PRKAA1: variants seen among roughly 807,000 people sequenced by gnomAD.
The protein encoded by PRKAA1 is 5'-AMP-activated protein kinase catalytic subunit alpha-1.
PRKAA1 carries 23 observed loss-of-function variants against 56.9 expected under a neutral mutation model. The ratio of observed to expected loss-of-function variants is 0.40; its 90% CI spans 0.29 to 0.57. The LOEUF (loss-of-function observed/expected upper bound fraction) is 0.57, where lower values mean the gene tolerates loss of function less well. PRKAA1 is among the 20% of genes least tolerant of loss of function. PRKAA1 has a pLI of 0.39. For missense variants in PRKAA1, 413 were observed against 679.7 expected (o/e 0.61, Z 4.36); for synonymous variants, 226 against 227.0 (o/e 1.00, Z 0.04).
At chr5:40,783,204 T>C (rs1229283430) in intron 1 of PRKAA1, among the ~76,000 whole-genome samples, 2 of 152,158 alleles carry the variant, frequency 1.3e-5, no homozygotes, top group East Asian at 3.8e-4. Flanking sequence ...AATATGTTCA[T>C]TACAGTGTAT....
In PRKAA1 at chr5:40,761,250, T is replaced by A. The variant is rs990762351; in HGVS notation, c.*1528A>T. Reference sequence around the variant, plus strand: ...AATCAGCTATAAAGAAATTTGGAGTTAACTTCAGAAATTTAAATATGGCTT... The same window carrying A: ...AATCAGCTATAAAGAAATTTGGAGTAAACTTCAGAAATTTAAATATGGCTT... On this transcript the variant is annotated 3_prime_UTR_variant, in exon 9 of 9. Transcript: ENST00000397128. 3.9e-5 allele frequency: 6 copies of A among 152,286 alleles called. No individual in the cohort carries two copies. Among genetic ancestry groups the A allele is most frequent in the African/African-American group, 1.4e-4 (6 of 41,572 alleles). 9.4% of individuals were successfully genotyped at this position (152,286 alleles called of 1,614,324 possible). A position where few individuals can be genotyped will look rare whatever the true frequency, so the allele number is the denominator to read the frequency against.
intron 1 of PRKAA1, among the ~76,000 whole-genome samples, chr5:40,789,249 CAGAT>C (rs980755476): frequency 3.3e-5 from 5 of 151,910 alleles, no homozygotes; most frequent in African/African-American, 1.2e-4. Context: ...AAATGGCCAA[CAGAT>C]AGATGAAAGA....
rs200047399 is a variant in PRKAA1, at chr5:40,771,882, G to A, written c.364-19C>T. 1 of 1,605,298 alleles carries A rather than the reference G, an allele frequency of 6.2e-7. No individual in the cohort carries two copies. The highest frequency in any genetic ancestry group is 1.1e-5 in the South Asian group (1 of 88,584). ...CATCCAGCTAAGAAAAGTTAGAGAG[G>A]CTTTTTAAAGGTGTGTCTTTCAAAG... On this transcript the variant is annotated intron_variant, in intron 3 of 8. Transcript: ENST00000397128.
At chr5:40,776,796 G>A (rs1057155376) in intron 2 of PRKAA1, among the ~76,000 whole-genome samples, 1 of 152,150 alleles carries the variant, frequency 6.6e-6, no homozygotes, top group East Asian at 1.9e-4. Context: ...TCACTAGTGA[G>A]GCTAACTGAC....
At chr5:40,789,425 C>A (rs1034626611) in intron 1 of PRKAA1, among the ~76,000 whole-genome samples, 21 of 152,132 alleles carry the variant, frequency 1.4e-4, no homozygotes, top group Non-Finnish European at 1.0e-4. Context: ...ACTATAAATA[C>A]AGCCATTTTG....
At chr5:40,782,760 G>A (rs1411346634) in intron 1 of PRKAA1, among the ~76,000 whole-genome samples, 2 of 151,956 alleles carry the variant, frequency 1.3e-5, no homozygotes, top group African/African-American at 4.8e-5. Context: ...AGGAGGGAAG[G>A]TGGTAACTAC....
In PRKAA1 at chr5:40,767,469, A is replaced by G. The variant is rs1323447715; in HGVS notation, c.818T>C (p.Ile273Thr). 5 of 1,605,686 alleles carry G rather than the reference A, an allele frequency of 3.1e-6. No homozygotes were observed. Among genetic ancestry groups the G allele is most frequent in the East Asian group, 4.5e-5 (2 of 44,806 alleles). The change falls in exon 6 of 9, where the codon ATC becomes ACC. Residue 273 changes from isoleucine (I) to threonine (T), a missense_variant. Coordinates refer to ENST00000397128, the MANE Select transcript of PRKAA1 (RefSeq NM_006251.6). ...AACTTCCAAACTGCTTTATTACCTG[A>G]TATCTTTGATTGTGGCCCTCTTCAT... is the stretch of plus-strand genomic sequence containing the variant. ...DPMKRATIKD[I>T]REHEWFKQDL...
intron 2 of PRKAA1, among the ~76,000 whole-genome samples, chr5:40,775,836 T>C (rs1743975882): frequency 6.6e-6 from 1 of 152,084 alleles, no homozygotes; most frequent in Non-Finnish European, 1.5e-5. Context: ...ATTATGTAAT[T>C]ATCTAGGAGG....
rs34749478 is a variant in PRKAA1, at chr5:40,786,786, C to CAAA, written c.128-9203_128-9201dup. Among the ~76,000 whole-genome samples the CAAA allele has an allele frequency of 7.7e-3, 333 of 43,516 alleles. 23 individuals are homozygous for CAAA. Among genetic ancestry groups the CAAA allele is most frequent in the African/African-American group, 0.025 (275 of 11,040 alleles). The allele number at this position is 43,516 out of a possible 152,430, so 28.5% of individuals were successfully genotyped here. On this transcript the variant is annotated intron_variant, in intron 1 of 8. Transcript: ENST00000397128. ...TGAAACCCTGTCTCTACTAAAAATA[C>CAAA]AAAAAAAAAAAAAAAAAAAAAAAAA...
At chr5:40,767,746 C>T (rs1366726810) in intron 5 of PRKAA1, 56 bp from the exon 6 acceptor site, 1 of 1,422,022 alleles carries the variant, frequency 7.0e-7, no homozygotes, top group Non-Finnish European at 9.7e-7. Flanking sequence ...AGATTCAGTT[C>T]ATCAAAAACT....
intron 3 of PRKAA1, among the ~76,000 whole-genome samples, chr5:40,773,520 G>C (rs2112022825): frequency 6.6e-6 from 1 of 152,224 alleles, no homozygotes; most frequent in Middle Eastern, 3.4e-3. Context: ...TCACTAAAAT[G>C]ACATCAGCAA....
chr5:40,769,314 C>T, intron 5 of PRKAA1, 102 bp downstream of exon 5: 1 of 933,140 alleles, frequency 1.1e-6, no homozygotes, highest in African/African-American at 1.7e-5. Flanking sequence ...CCTTATCTTT[C>T]TTTCCTTTCA....
intron 1 of PRKAA1, among the ~76,000 whole-genome samples, chr5:40,789,283 A>G (rs1744620911): frequency 6.6e-6 from 1 of 152,234 alleles, no homozygotes; most frequent in South Asian, 2.1e-4. Context: ...ATCTCTAATC[A>G]TAAGAGAAAT....
intron 1 of PRKAA1, among the ~76,000 whole-genome samples, chr5:40,785,092 A>T (rs1391227720): frequency 6.6e-6 from 1 of 152,202 alleles, no homozygotes. Context: ...CATTCATTCA[A>T]GAAATATTTG....
Position 40,794,597 on chromosome 5 carries a change from T to G in PRKAA1, c.127+3466A>C, listed in dbSNP as rs1240599683. Among the ~76,000 whole-genome samples the G allele has an allele frequency of 2.3e-5, 3 of 128,230 alleles. 1 individual carries two copies. Among genetic ancestry groups the G allele is most frequent in the Non-Finnish European group, 5.4e-5 (3 of 55,138 alleles). 84.1% of individuals were successfully genotyped at this position (128,230 alleles called of 152,430 possible). On this transcript the variant is annotated intron_variant, in intron 1 of 8. Transcript: ENST00000397128. The stretch of plus-strand genomic sequence containing the variant: ...CTAGAAGGGTTTTTCCAATGTTATC[T>G]TCTAGAATTTTTATAGTTTCAGGTC...
At chr5:40,793,412 T>G (rs1301956428) in intron 1 of PRKAA1, among the ~76,000 whole-genome samples, 1 of 152,156 alleles carries the variant, frequency 6.6e-6, no homozygotes, top group Non-Finnish European at 1.5e-5. Context: ...CCAAACAAAT[T>G]TTTTGGCCTG....
chr5:40,775,888 C>A (rs1180754672), intron 2 of PRKAA1, among the ~76,000 whole-genome samples: 1 of 151,894 alleles, frequency 6.6e-6, no homozygotes, highest in African/African-American at 2.4e-5. Flanking sequence ...CAAAGGTCCC[C>A]AAGTAGAAGC....
chr5:40,763,029 A>G lies in PRKAA1; in HGVS notation c.1436-7T>C, dbSNP rs535131067. 2.7e-5 allele frequency: 43 copies of G among 1,613,234 alleles called. No homozygotes were observed. The African/African-American group carries it at 3.5e-4, about 13-fold the overall frequency. ...TTGGCTTCTGTAATTTCATCTGGGT[A>G]AAAAGAATTTCAATTTATTATAGTC... On this transcript the variant is annotated splice_region_variant and splice_polypyrimidine_tract_variant and intron_variant, in intron 8 of 8. Coordinates refer to ENST00000397128, the MANE Select transcript of PRKAA1 (RefSeq NM_006251.6).
rs1478486576 is a variant in PRKAA1, at chr5:40,767,566, T to A, written c.721A>T (p.Ile241Phe). ...PTLFKKICDG[I>F]FYTPQYLNPS... ...TTTAAATATTGAGGGGTATAGAAGATCCCATCACATATCTTCTTAAAAAGA... is the reference window on the plus strand; with the variant it reads ...TTTAAATATTGAGGGGTATAGAAGAACCCATCACATATCTTCTTAAAAAGA... Residue 241 changes from isoleucine (I) to phenylalanine (F), a missense_variant, in exon 6 of 9, where the codon ATC becomes TTC. Around this residue, in one of 9 missense-constraint regions of PRKAA1, gnomAD observed 113 missense variants for 198.6 expected, o/e 0.57. Transcript: ENST00000397128. 6.2e-7 allele frequency: 1 copy of A among 1,613,356 alleles called. No homozygotes were observed. Among genetic ancestry groups the A allele is most frequent in the Admixed American group, 1.7e-5 (1 of 60,008 alleles).
Sources: allele counts gnomAD v4.1 joint callset (sites outside exome capture counted in the v4.1 genomes callset), GRCh38; gene constraint gnomAD v4.1.1; regional missense constraint gnomAD v4.1.1; transcripts MANE v1.5; gene names NCBI Gene and HGNC (gene_info 2026-07-23, HGNC 2026-07-21).